The following UBE3A variants were observed in gnomAD, a reference collection of about 807,000 sequenced individuals.
UBE3A encodes ubiquitin protein ligase E3A.
In UBE3A, 6 loss-of-function variants were observed where a neutral mutation model predicts 83.4. The ratio of observed to expected loss-of-function variants is 0.07; its 90% CI spans 0.04 to 0.14. UBE3A has a LOEUF of 0.14. UBE3A is among the 10% of genes least tolerant of loss of function. The pLI is 1.00. For synonymous variants in UBE3A, 337 were observed against 355.4 expected, an observed-to-expected ratio of 0.95 and a Z score of 0.58; for missense variants, 456 against 1,036.1, an observed-to-expected ratio of 0.44 and a Z score of 7.69.
Position 25,371,867 on chromosome 15 carries a change from T to G in UBE3A, c.362-55A>C. ...TTATTTTCATAATATGTATGTTTAC[T>G]CTGTTGCAAAAAGTTCTAAAAGTAA... On this transcript the variant is annotated intron_variant, in intron 5 of 12. Transcript: ENST00000648336. The surrounding 1 kb of genome is among the most constrained non-coding windows in gnomAD (Gnocchi z 5.3). The G allele has an allele frequency of 1.3e-6, 2 of 1,541,064 alleles. No individual in the cohort carries two copies. The highest frequency in any genetic ancestry group is 3.9e-5 in the Admixed American group (2 of 51,624).
At chr15:25,409,538 T>A (rs1305950873) in intron 2 of UBE3A, 2 of 153,394 alleles carry the variant, frequency 1.3e-5, no homozygotes, top group East Asian at 1.9e-4. Context: ...AAAAAAAAAA[T>A]TAAGCAGCCT....
chr15:25,413,144 ACACT>A, intron 1 of UBE3A: 1 of 367,382 alleles, frequency 2.7e-6, no homozygotes, highest in Non-Finnish European at 5.3e-6. Flanking sequence ...AATATTAGGC[ACACT>A]CACTTGCCAA....
At chr15:25,430,748 T>C (rs941854675) in intron 1 of UBE3A, among the ~76,000 whole-genome samples, 1 of 152,170 alleles carries the variant, frequency 6.6e-6, no homozygotes, top group African/African-American at 2.4e-5. Flanking sequence ...AGCAAACATT[T>C]ACTGTTTTCT....
chr15:25,437,378 AGATT>A lies in UBE3A; in HGVS notation c.-165+1107_-165+1110del, dbSNP rs1895409037. ...TCCCACTTGTCCAATTTATTCAACA[AGATT>A]GATTGGGTACCTTTGTGTCTCTGAC... On this transcript the variant is annotated intron_variant, in intron 1 of 12. Transcript: ENST00000648336. Among the ~76,000 whole-genome samples the A allele has an allele frequency of 4.6e-5, 7 of 152,324 alleles. No homozygotes were observed. The East Asian group carries it at 1.3e-3, about 29-fold the overall frequency.
intron 4 of UBE3A, among the ~76,000 whole-genome samples, chr15:25,389,721 C>G (rs887795255): frequency 1.3e-5 from 2 of 152,124 alleles, no homozygotes; most frequent in African/African-American, 4.8e-5. Flanking sequence ...AACCCCGTGT[C>G]TACTAAAAAT....
At chr15:25,417,784 T>C (rs1887640839) in intron 1 of UBE3A, 2 of 151,868 alleles carry the variant, frequency 1.3e-5, no homozygotes, top group South Asian at 4.1e-4. Context: ...GTCTAACATA[T>C]GTGTAACTGG....
intron 4 of UBE3A, among the ~76,000 whole-genome samples, chr15:25,395,817 A>C (rs10163104): frequency 0.051 from 7,812 of 152,278 alleles, 690 homozygotes; most frequent in African/African-American, 0.18. Context: ...CTGAACCATA[A>C]ATCACTTGTT....
chr15:25,340,010 AGACAGTTCATAT>A, intron 12 of UBE3A, 63 bp downstream of exon 12: 1 of 1,572,654 alleles, frequency 6.4e-7, no homozygotes, highest in Admixed American at 1.7e-5. Flanking sequence ...GAAACTATAA[AGACAGTTCATAT>A]GTATGTGACG....
Position 25,339,109 on chromosome 15 carries a change from T to TTTTTGTTTTA in UBE3A, c.*18_*27dup. On this transcript the variant is annotated 3_prime_UTR_variant, in exon 13 of 13. Transcript: ENST00000648336. ...TTTTTTCTTTTTTTTTCCTTCCTTT[T>TTTTTGTTTTA]TTTTGTTTTATTTTGTTTTGTTTTG... 1 of 1,478,584 alleles carries TTTTTGTTTTA rather than the reference T, an allele frequency of 6.8e-7. No homozygotes were observed. 91.6% of individuals were successfully genotyped at this position (1,478,584 alleles called of 1,614,324 possible).
chr15:25,395,045 T>G (rs2085242957), intron 4 of UBE3A, among the ~76,000 whole-genome samples: 1 of 152,198 alleles, frequency 6.6e-6, no homozygotes, highest in South Asian at 2.1e-4. Flanking sequence ...AAGCATCATT[T>G]GAGCAGAGAG....
At chr15:25,388,722 G>GA (rs2083649334) in intron 4 of UBE3A, among the ~76,000 whole-genome samples, 2 of 151,272 alleles carry the variant, frequency 1.3e-5, no homozygotes, top group South Asian at 2.1e-4. Context: ...AAAAGAAAAA[G>GA]AAAAACAACA....
At chr15:25,368,284 G>A (rs539077557) in intron 6 of UBE3A, among the ~76,000 whole-genome samples, 1 of 152,100 alleles carries the variant, frequency 6.6e-6, no homozygotes, top group East Asian at 1.9e-4. Flanking sequence ...ATCATCACCT[G>A]CTGTGAATAC....
chr15:25,416,383 C>A (rs1401135693), intron 1 of UBE3A, among the ~76,000 whole-genome samples: 1 of 152,088 alleles, frequency 6.6e-6, no homozygotes, highest in South Asian at 2.1e-4. Flanking sequence ...GTGAATAAAT[C>A]TCACAAATAC....
chr15:25,395,050 A>G (rs1251069646), intron 4 of UBE3A, among the ~76,000 whole-genome samples: 1 of 152,234 alleles, frequency 6.6e-6, no homozygotes, highest in Non-Finnish European at 1.5e-5. Context: ...TCATTTGAGC[A>G]GAGAGCTCTC....
intron 6 of UBE3A, among the ~76,000 whole-genome samples, chr15:25,362,984 T>A (rs2152748203): frequency 6.6e-6 from 1 of 152,330 alleles, no homozygotes; most frequent in African/African-American, 2.4e-5. Flanking sequence ...TGACTCCTTA[T>A]CAATGTAAAA....
intron 3 of UBE3A, 140 bp downstream of exon 3, chr15:25,408,948 G>A (rs1474361017): frequency 2.2e-6 from 2 of 890,586 alleles, no homozygotes; most frequent in African/African-American, 3.4e-5. Flanking sequence ...ATTTTAAGGA[G>A]ATTAAATGAA....
intron 11 of UBE3A, among the ~76,000 whole-genome samples, chr15:25,347,757 C>A (rs756391841): frequency 5.4e-5 from 8 of 149,488 alleles, no homozygotes; most frequent in Non-Finnish European, 8.9e-5. Flanking sequence ...AATCAAGGGT[C>A]TTAAAAATCT....
chr15:25,342,994 G>T (rs1415549088), intron 11 of UBE3A, among the ~76,000 whole-genome samples: 1 of 152,126 alleles, frequency 6.6e-6, no homozygotes, highest in Non-Finnish European at 1.5e-5. Flanking sequence ...GCTGTAAAGG[G>T]GTGGAAGCAG....
intron 8 of UBE3A, 27 bp from the exon 9 acceptor site, chr15:25,356,083 G>A: frequency 6.2e-7 from 1 of 1,611,666 alleles, no homozygotes; most frequent in Non-Finnish European, 8.5e-7. Flanking sequence ...GTAAATTGAG[G>A]CCACCATAGA....
Sources: gnomAD v4.1 joint callset for allele counts (sites outside exome capture counted in the v4.1 genomes callset) on GRCh38, gnomAD v4.1.1 for gene constraint, Gnocchi (gnomAD v3.1) non-coding constraint, MANE v1.5 for transcripts, NCBI Gene and HGNC (gene_info 2026-07-23, HGNC 2026-07-21) for gene names.